The following CABIN1 variants were observed in gnomAD, a reference collection of about 807,000 sequenced individuals.
CABIN1 encodes calcineurin binding protein 1, also known as calcineurin-binding protein cabin-1.
In CABIN1, 133 loss-of-function variants were observed where a neutral mutation model predicts 227.7. The observed-to-expected ratio is 0.58, with a 90% CI of 0.51 to 0.67. The LOEUF is 0.67. Ranked by LOEUF, CABIN1 falls within the 30% of genes least tolerant of loss-of-function variation. The pLI, the probability that CABIN1 is intolerant of heterozygous loss-of-function variation, is 0.00. For synonymous variants in CABIN1, 1,086 were observed against 1,155.1 expected, an observed-to-expected ratio of 0.94 and a Z score of 1.21; for missense variants, 2,408 against 2,852.5, an observed-to-expected ratio of 0.84 and a Z score of 3.55.
intron 29 of CABIN1, among the ~76,000 whole-genome samples, chr22:24,154,967 C>G (rs528360056): frequency 1.3e-5 from 2 of 151,852 alleles, no homozygotes; most frequent in Admixed American, 6.5e-5. Context: ...GGAGGAACGG[C>G]GCTATGTGAT....
chr22:24,092,766 T>C (rs572369585), intron 24 of CABIN1, among the ~76,000 whole-genome samples: 1 of 151,910 alleles, frequency 6.6e-6, no homozygotes, highest in South Asian at 2.1e-4. Context: ...ACAGTGTGAA[T>C]GTGAAGGCCC....
intron 29 of CABIN1, among the ~76,000 whole-genome samples, chr22:24,135,578 G>A (rs1360361328): frequency 2.0e-5 from 3 of 152,014 alleles, no homozygotes; most frequent in African/African-American, 7.3e-5. Context: ...CATTTCCTCT[G>A]TCCTGCATGG....
At chr22:24,013,786 T>C (rs551560940) in intron 1 of CABIN1, among the ~76,000 whole-genome samples, 6 of 152,318 alleles carry the variant, frequency 3.9e-5, no homozygotes, top group East Asian at 3.9e-4. Flanking sequence ...CCTTAGTCTT[T>C]TCTTGTTTTC....
intron 24 of CABIN1, 72 bp downstream of exon 24, chr22:24,091,915 T>G (rs2147227846): frequency 6.3e-7 from 1 of 1,578,054 alleles, no homozygotes; most frequent in Non-Finnish European, 8.7e-7. Context: ...CCTGGGCATG[T>G]GGCTCAAGGT....
intron 28 of CABIN1, among the ~76,000 whole-genome samples, chr22:24,124,446 A>G (rs1426523401): frequency 6.6e-6 from 1 of 152,178 alleles, no homozygotes; most frequent in African/African-American, 2.4e-5. Context: ...CTCCCTCCCA[A>G]GGTTGGCACT....
chr22:24,021,325 T>G (rs868030343), intron 1 of CABIN1, among the ~76,000 whole-genome samples: 6 of 151,732 alleles, frequency 4.0e-5, no homozygotes, highest in Middle Eastern at 6.8e-3. Context: ...TGGCCATCAT[T>G]TTAAAATATT....
chr22:24,075,241 A>G (rs1245233912), intron 18 of CABIN1, among the ~76,000 whole-genome samples: 1 of 152,104 alleles, frequency 6.6e-6, no homozygotes, highest in Non-Finnish European at 1.5e-5. Flanking sequence ...TTCATGAAAG[A>G]AAGTTATTAC....
At position 24,115,000 on chromosome 22, in the gene CABIN1, G is replaced by A. The variant is rs11704933; in HGVS notation, c.4300+1252G>A. The stretch of plus-strand genomic sequence containing the variant: ...TCTCTAACCAGGCAGTCACTATGCA[G>A]TCGCCAGCCAGTGTTGACATTCTGT... On this transcript the variant is annotated intron_variant, in intron 27 of 36. Coordinates refer to ENST00000263119, the MANE Select transcript of CABIN1 (RefSeq NM_012295.4). Among the ~76,000 whole-genome samples the A allele has an allele frequency of 6.7e-3, 1,019 of 152,374 alleles. 3 individuals are homozygous for A. The highest frequency in any genetic ancestry group is 0.011 in the Admixed American group (162 of 15,308).
At chr22:24,124,009 TGGAAAGAAACCGCCTTCA>T (rs1386813286) in intron 28 of CABIN1, among the ~76,000 whole-genome samples, 1 of 152,228 alleles carries the variant, frequency 6.6e-6, no homozygotes, top group African/African-American at 2.4e-5. Context: ...GCCCAGGCCT[TGGAAAGAAACCGCCTTCA>T]GGGCACAGTG....
intron 29 of CABIN1, among the ~76,000 whole-genome samples, chr22:24,144,136 C>T (rs1196006555): frequency 6.6e-6 from 1 of 152,228 alleles, no homozygotes; most frequent in African/African-American, 2.4e-5. Flanking sequence ...CACAAGCTAG[C>T]AAGTGGCCAG....
At chr22:24,063,507 C>G (rs1221250564) in intron 14 of CABIN1, among the ~76,000 whole-genome samples, 2 of 152,118 alleles carry the variant, frequency 1.3e-5, no homozygotes, top group Non-Finnish European at 2.9e-5. Context: ...TAAACAGATA[C>G]AGAGCTTTCT....
chr22:24,104,173 C>T (rs1161963320), intron 26 of CABIN1, among the ~76,000 whole-genome samples: 1 of 152,060 alleles, frequency 6.6e-6, no homozygotes, highest in African/African-American at 2.4e-5. Context: ...TCTCTCTGGG[C>T]TCTAAGGAAG....
rs376511317 is a variant in CABIN1 at position 24,060,773 on chromosome 22, G to A, written c.1617+632G>A. On this transcript the variant is annotated intron_variant, in intron 12 of 36. Transcript: ENST00000263119. ...ACCACAGCCGTACACCACCACACCCGGTTATAGTCCCAGCTACTCAGGAGG... is the reference window on the plus strand; with the variant it reads ...ACCACAGCCGTACACCACCACACCCAGTTATAGTCCCAGCTACTCAGGAGG... 6.2e-4 allele frequency among the ~76,000 whole-genome samples: 94 copies of A among 152,076 alleles called. 1 individual carries two copies. The South Asian group carries it at 0.018, about 29-fold the overall frequency.
At chr22:24,072,749 A>G (rs2040182889) in intron 18 of CABIN1, among the ~76,000 whole-genome samples, 1 of 152,194 alleles carries the variant, frequency 6.6e-6, no homozygotes, top group South Asian at 2.1e-4. Flanking sequence ...TTTGGTGCAG[A>G]TGGCAGCATG....
In CABIN1 at chr22:24,036,127, G is replaced by A; in HGVS notation, c.42G>A (p.Glu14=). 6.2e-7 allele frequency: 1 copy of A among 1,613,820 alleles called. No homozygotes were observed. Among genetic ancestry groups the A allele is most frequent in the Non-Finnish European group, 8.5e-7 (1 of 1,179,824 alleles). Residue 14 remains glutamate (E), a synonymous_variant, in exon 3 of 37, where the codon GAG becomes GAA. Transcript: ENST00000263119. The part of the protein sequence containing the change: ...IAALNASSTI[E]DDHEGSFKSH... ...CCTTAAATGCCAGCTCCACCATTGA[G>A]GATGATCATGAAGGAAGCTTTAAAA...
chr22:24,025,717 C>G (rs1340737177), intron 1 of CABIN1, among the ~76,000 whole-genome samples: 1 of 152,220 alleles, frequency 6.6e-6, no homozygotes, highest in Non-Finnish European at 1.5e-5. Context: ...CTCTGTCACC[C>G]GGGCTGAAGT....
intron 30 of CABIN1, 78 bp from the exon 31 acceptor site, chr22:24,165,452 G>T: frequency 7.8e-7 from 1 of 1,276,460 alleles, no homozygotes; most frequent in Non-Finnish European, 1.1e-6. Context: ...GCAGGGATGG[G>T]CAGTGGCCAC....
At chr22:24,144,786 T>A (rs924024722) in intron 29 of CABIN1, among the ~76,000 whole-genome samples, 1 of 152,244 alleles carries the variant, frequency 6.6e-6, no homozygotes, top group Non-Finnish European at 1.5e-5. Flanking sequence ...CAGGTGTTGC[T>A]GTGCTCCGTG....
At chr22:24,084,512 G>T in intron 20 of CABIN1, 67 bp from the exon 21 acceptor site, 1 of 1,234,794 alleles carries the variant, frequency 8.1e-7, no homozygotes, top group South Asian at 1.2e-5. Context: ...TTCTATGGAG[G>T]AATGCAATTT....
Sources: gnomAD v4.1 joint callset for allele counts (sites outside exome capture counted in the v4.1 genomes callset) on GRCh38, gnomAD v4.1.1 for gene constraint, MANE v1.5 for transcripts, NCBI Gene and HGNC (gene_info 2026-07-23, HGNC 2026-07-21) for gene names.